The following MAP3K7 variants were observed in gnomAD, a reference collection of about 807,000 sequenced individuals.
The protein encoded by MAP3K7 is TGF-beta activated kinase 1.
MAP3K7 carries 21 observed loss-of-function variants against 84.8 expected under a neutral mutation model. The ratio of observed to expected loss-of-function variants is 0.25; its 90% CI spans 0.18 to 0.36. The LOEUF is 0.36. MAP3K7 is among the 10% of genes least tolerant of loss of function. The pLI, the probability that MAP3K7 is intolerant of heterozygous loss-of-function variation, is 1.00. For synonymous variants in MAP3K7, 241 were observed against 247.7 expected (o/e 0.97, Z 0.25); for missense variants, 503 against 747.7 (o/e 0.67, Z 3.82).
intron 3 of MAP3K7, among the ~76,000 whole-genome samples, chr6:90,567,325 G>A (rs1776742407): frequency 6.6e-6 from 1 of 152,122 alleles, no homozygotes; most frequent in Non-Finnish European, 1.5e-5. Context: ...CTGACAAAGG[G>A]CTAATATCCA....
chr6:90,535,683 G>C (rs1775648499), intron 13 of MAP3K7, among the ~76,000 whole-genome samples: 1 of 152,040 alleles, frequency 6.6e-6, no homozygotes. Flanking sequence ...GCACTAATCA[G>C]TAATGGCTTA....
intron 1 of MAP3K7, among the ~76,000 whole-genome samples, chr6:90,584,334 C>T (rs911461009): frequency 9.9e-5 from 15 of 152,204 alleles, no homozygotes; most frequent in African/African-American, 3.6e-4. Flanking sequence ...TTATGTAATG[C>T]TTTCAATATC....
intron 13 of MAP3K7, among the ~76,000 whole-genome samples, chr6:90,535,020 G>GA (rs1332141896): frequency 1.3e-5 from 2 of 151,854 alleles, no homozygotes; most frequent in South Asian, 2.1e-4. Context: ...CAGATGCACT[G>GA]AAAAAAACTA....
At chr6:90,542,480 T>G in intron 12 of MAP3K7, 1 of 985,214 alleles carries the variant, frequency 1.0e-6, no homozygotes, top group Non-Finnish European at 1.2e-6. Flanking sequence ...AAAGGCCCAA[T>G]GTCATAAAAG....
chr6:90,518,489 T>A lies in MAP3K7; in HGVS notation c.1598A>T (p.Tyr533Phe). 6.2e-7 allele frequency: 1 copy of A among 1,608,212 alleles called. No individual in the cohort carries two copies. Among genetic ancestry groups the A allele is most frequent in the Non-Finnish European group, 8.5e-7 (1 of 1,176,386 alleles). The change falls in exon 16 of 17, where the codon TAT becomes TTT. Residue 533 changes from tyrosine (Y) to phenylalanine (F), a missense_variant. Around this residue, in one of 5 missense-constraint regions of MAP3K7, gnomAD observed 36 missense variants for 74.5 expected, o/e 0.48. Coordinates refer to ENST00000369329, the MANE Select transcript of MAP3K7 (RefSeq NM_145331.3). ...TGCAATTTCTGTTTGAACTTTCATA[T>A]ATTCTTGTGCCATTTTACAATGCTG... The part of the protein sequence containing the change: ...FEQHCKMAQE[Y>F]MKVQTEIALL...
At chr6:90,552,716 A>G (rs1381544574) in intron 7 of MAP3K7, among the ~76,000 whole-genome samples, 1 of 152,252 alleles carries the variant, frequency 6.6e-6, no homozygotes, top group East Asian at 1.9e-4. Flanking sequence ...AAGCAAATGT[A>G]AAGTAACTTT....
chr6:90,539,306 C>T (rs779508781), intron 12 of MAP3K7, among the ~76,000 whole-genome samples: 1 of 151,836 alleles, frequency 6.6e-6, no homozygotes, highest in African/African-American at 2.4e-5. Flanking sequence ...TACAATATGG[C>T]AGAAAGGCCA....
At chr6:90,576,443 A>T (rs1236820028) in intron 1 of MAP3K7, among the ~76,000 whole-genome samples, 6 of 150,700 alleles carry the variant, frequency 4.0e-5, no homozygotes, top group Non-Finnish European at 7.4e-5. Flanking sequence ...ACACACACAC[A>T]CACACACACA....
chr6:90,563,358 A>G (rs1197821745), intron 3 of MAP3K7, among the ~76,000 whole-genome samples: 1 of 152,192 alleles, frequency 6.6e-6, no homozygotes, highest in Non-Finnish European at 1.5e-5. Flanking sequence ...ACTAGAATAA[A>G]CAGCATAGAG....
intron 1 of MAP3K7, among the ~76,000 whole-genome samples, chr6:90,573,568 T>A (rs1174528654): frequency 6.6e-6 from 1 of 152,250 alleles, no homozygotes; most frequent in Non-Finnish European, 1.5e-5. Flanking sequence ...TAACATTTAT[T>A]GAATGTTTAC....
chr6:90,544,565 C>T lies in MAP3K7; in HGVS notation c.1278G>A (p.Glu426=). ...ASFGNILDVP[E]IVISGNGQPR... is the part of the protein sequence containing the mutation. ...GGTCTATGATACCTGATATGACGAT[C>T]TCAGGGACATCCAGAATGTTGCCAA... The change falls in exon 12 of 17, where the codon GAG becomes GAA. Residue 426 remains glutamate, a synonymous_variant. Coordinates refer to ENST00000369329, the MANE Select transcript of MAP3K7 (RefSeq NM_145331.3). 1.2e-6 allele frequency: 2 copies of T among 1,612,348 alleles called. No homozygotes were observed. Among genetic ancestry groups the T allele is most frequent in the Non-Finnish European group, 1.7e-6 (2 of 1,178,790 alleles).
At chr6:90,545,055 G>A (rs1292788886) in intron 11 of MAP3K7, among the ~76,000 whole-genome samples, 1 of 152,096 alleles carries the variant, frequency 6.6e-6, no homozygotes, top group Non-Finnish European at 1.5e-5. Context: ...AGGAATACAT[G>A]TTCAAGTTAG....
Position 90,523,879 on chromosome 6 carries a change from A to AT in MAP3K7, c.1357-97dup, listed in dbSNP as rs1031178045. On this transcript the variant is annotated intron_variant, in intron 13 of 16. Transcript: ENST00000369329. ...TTAAAAGGCAAGAAGAGACTTAGAG[A>AT]TCCCCCCAAAACTCTTGTAAACAAC... 6 of 711,234 alleles carry AT rather than the reference A, an allele frequency of 8.4e-6. No individual in the cohort carries two copies. The African/African-American group carries it at 8.9e-5, about 11-fold the overall frequency. 44.1% of individuals were successfully genotyped at this position (711,234 alleles called of 1,614,324 possible).
chr6:90,580,595 C>T (rs1170420897), intron 1 of MAP3K7, among the ~76,000 whole-genome samples: 1 of 152,142 alleles, frequency 6.6e-6, no homozygotes, highest in East Asian at 1.9e-4. Flanking sequence ...GTTGGGATTA[C>T]AGGTGTGAGC....
At position 90,560,181 on chromosome 6, in the gene MAP3K7, G is replaced by C; in HGVS notation, c.377C>G (p.Thr126Ser). The change falls in exon 5 of 17, where the codon ACT becomes AGT. Residue 126 changes from threonine to serine, a missense_variant. Around this residue, in one of 5 missense-constraint regions of MAP3K7, gnomAD observed 97 missense variants for 270.8 expected, o/e 0.36. Coordinates refer to ENST00000369329, the MANE Select transcript of MAP3K7 (RefSeq NM_145331.3). Reference protein sequence around the residue: ...LHGAEPLPYYTAAHAMSWCLQ... With the variant: ...LHGAEPLPYYSAAHAMSWCLQ... ...ACACCAACTCATTGCGTGGGCAGCA[G>C]TATAATATGGCAATGGTTCAGCACC... 6.2e-7 allele frequency: 1 copy of C among 1,614,196 alleles called. No individual in the cohort carries two copies. Among genetic ancestry groups the C allele is most frequent in the South Asian group, 1.1e-5 (1 of 91,090 alleles).
At chr6:90,562,690 T>A (rs1562101744) in intron 3 of MAP3K7, among the ~76,000 whole-genome samples, 2 of 152,364 alleles carry the variant, frequency 1.3e-5, no homozygotes, top group East Asian at 3.9e-4. Flanking sequence ...TTCTGCAGAC[T>A]TAAACATCCC....
chr6:90,525,447 C>T (rs2127958258), intron 13 of MAP3K7, among the ~76,000 whole-genome samples: 1 of 152,264 alleles, frequency 6.6e-6, no homozygotes, highest in South Asian at 2.1e-4. Flanking sequence ...CCTCAGTCTC[C>T]CTAAGTGCTG....
chr6:90,562,279 G>A (rs1010783536), intron 3 of MAP3K7, among the ~76,000 whole-genome samples: 2 of 152,148 alleles, frequency 1.3e-5, no homozygotes, highest in Admixed American at 6.5e-5. Context: ...GCAGGGCGTC[G>A]CCTCACCCGG....
chr6:90,547,398 T>G lies in MAP3K7; in HGVS notation c.1081-11A>C. 1.9e-6 allele frequency: 3 copies of G among 1,607,990 alleles called. No individual in the cohort carries two copies. The highest frequency in any genetic ancestry group is 1.7e-6 in the Non-Finnish European group (2 of 1,178,044). On this transcript the variant is annotated splice_polypyrimidine_tract_variant and intron_variant, in intron 10 of 16. Transcript: ENST00000369329. ...ACGTCCAGATTCACTCTGTTAAAAT[T>G]ACAGGTCAATCTGAATTACTGAAGT...
Sources: gnomAD v4.1 joint callset for allele counts (sites outside exome capture counted in the v4.1 genomes callset) on GRCh38, gnomAD v4.1.1 for gene constraint, gnomAD v4.1.1 regional missense constraint, MANE v1.5 for transcripts, NCBI Gene and HGNC (gene_info 2026-07-23, HGNC 2026-07-21) for gene names.